Variants in PRTFDC1 observed in about 807,000 individuals in gnomAD.
PRTFDC1 encodes phosphoribosyltransferase domain-containing protein 1.
Under a neutral mutation model 34.6 loss-of-function variants are expected in PRTFDC1, and 38 were observed. That is an observed-to-expected ratio of 1.10 (90% CI 0.85 to 1.44). The LOEUF is 1.44. Ranked by LOEUF, PRTFDC1 falls within the 40% of genes most tolerant of loss-of-function variation. The pLI, the probability that PRTFDC1 is intolerant of heterozygous loss-of-function variation, is 0.00. For synonymous variants in PRTFDC1, 93 were observed against 98.1 expected (o/e 0.95, Z 0.31); for missense variants, 270 against 283.0 (o/e 0.95, Z 0.33).
At chr10:24,924,516 T>C (rs1216164914) in intron 3 of PRTFDC1, among the ~76,000 whole-genome samples, 1 of 152,048 alleles carries the variant, frequency 6.6e-6, no homozygotes, top group Non-Finnish European at 1.5e-5. Flanking sequence ...AAAGAAACTA[T>C]CATCAGAGTG....
At chr10:24,907,295 A>G (rs1213464104) in intron 3 of PRTFDC1, among the ~76,000 whole-genome samples, 1 of 152,212 alleles carries the variant, frequency 6.6e-6, no homozygotes, top group African/African-American at 2.4e-5. Context: ...TTTCTGTAGA[A>G]TAAAAGTATT....
At chr10:24,869,364 T>C (rs1334030896) in intron 4 of PRTFDC1, among the ~76,000 whole-genome samples, 2 of 152,142 alleles carry the variant, frequency 1.3e-5, no homozygotes, top group Non-Finnish European at 2.9e-5. Context: ...CAAAAACCCT[T>C]CCCCAGGGCT....
intron 3 of PRTFDC1, among the ~76,000 whole-genome samples, chr10:24,880,862 T>TCTTTCTTC (rs1848064635): frequency 6.7e-6 from 1 of 148,966 alleles, no homozygotes; most frequent in African/African-American, 2.5e-5. Context: ...TTTCTTTCTT[T>TCTTTCTTC]CTTTCTTTCT....
chr10:24,880,568 A>G (rs1476996038), intron 3 of PRTFDC1, among the ~76,000 whole-genome samples: 1 of 152,236 alleles, frequency 6.6e-6, no homozygotes, highest in Non-Finnish European at 1.5e-5. Context: ...TAACACATAC[A>G]TGTAAGCCAT....
At chr10:24,879,176 C>T (rs1848022700) in intron 3 of PRTFDC1, among the ~76,000 whole-genome samples, 10 of 152,088 alleles carry the variant, frequency 6.6e-5, no homozygotes, top group Admixed American at 5.9e-4. Flanking sequence ...CAGTATTCCT[C>T]GTTTTCCAAT....
intron 3 of PRTFDC1, among the ~76,000 whole-genome samples, chr10:24,909,059 T>C (rs939532533): frequency 1.3e-5 from 2 of 152,112 alleles, no homozygotes; most frequent in East Asian, 1.9e-4. Context: ...TTTTGGGAGA[T>C]TGATTGAGGC....
rs1014001963 is a variant in PRTFDC1, at chr10:24,952,569, C to T, written c.7G>A (p.Gly3Arg). ...TAGTCTGGCGCCTCCTCGCTGCTCC[C>T]GGCCATGTTTCTCCCGGGGAACGCG... MAGSSEEAPDYGR... is the reference protein window; with the variant it reads MARSSEEAPDYGR... Residue 3 changes from glycine to arginine, a missense_variant, in exon 1 of 9, where the codon GGG becomes AGG. Coordinates refer to ENST00000320152, the MANE Select transcript of PRTFDC1 (RefSeq NM_020200.7). This position sits in a 1 kb window ranked among gnomAD's most constrained non-coding sequence, Gnocchi z 5.1. 1 of 1,584,000 alleles carries T rather than the reference C, an allele frequency of 6.3e-7. No individual in the cohort carries two copies. The highest frequency in any genetic ancestry group is 8.6e-7 in the Non-Finnish European group (1 of 1,164,294).
At chr10:24,866,905 A>G (rs1847789741) in intron 4 of PRTFDC1, among the ~76,000 whole-genome samples, 1 of 152,032 alleles carries the variant, frequency 6.6e-6, no homozygotes. Flanking sequence ...AGAGAGAAAG[A>G]AAGAGAACAA....
chr10:24,854,533 T>C (rs1187021792), intron 7 of PRTFDC1, among the ~76,000 whole-genome samples: 1 of 152,078 alleles, frequency 6.6e-6, no homozygotes, highest in Admixed American at 6.6e-5. Flanking sequence ...GGAGCAAATG[T>C]AAGTTATAAA....
chr10:24,853,217 C>T (rs1351630354), intron 7 of PRTFDC1, among the ~76,000 whole-genome samples: 6 of 152,020 alleles, frequency 3.9e-5, no homozygotes, highest in Admixed American at 6.6e-5. Context: ...GCCGGGTGCG[C>T]ACCTGCAGTC....
chr10:24,857,925 T>C (rs533900621), intron 5 of PRTFDC1, among the ~76,000 whole-genome samples: 12 of 152,196 alleles, frequency 7.9e-5, no homozygotes, highest in East Asian at 3.9e-4. Context: ...CAAAAAAACA[T>C]AGCTTTCCCC....
chr10:24,914,677 G>A (rs921997835), intron 3 of PRTFDC1, among the ~76,000 whole-genome samples: 1 of 152,186 alleles, frequency 6.6e-6, no homozygotes, highest in African/African-American at 2.4e-5. Context: ...ATAAGGCCTT[G>A]AGACCTCTGC....
chr10:24,878,980 G>A (rs2132521850), intron 3 of PRTFDC1, among the ~76,000 whole-genome samples: 1 of 152,236 alleles, frequency 6.6e-6, no homozygotes, highest in Non-Finnish European at 1.5e-5. Flanking sequence ...TTCTCAAAGA[G>A]GTCGCTGATA....
At chr10:24,933,007 A>G (rs900433056) in intron 3 of PRTFDC1, among the ~76,000 whole-genome samples, 2 of 152,148 alleles carry the variant, frequency 1.3e-5, no homozygotes, top group African/African-American at 4.8e-5. Flanking sequence ...AACTCCATGG[A>G]AAAGGATCAT....
At chr10:24,926,151 CTG>C (rs1848870248) in intron 3 of PRTFDC1, among the ~76,000 whole-genome samples, 1 of 152,184 alleles carries the variant, frequency 6.6e-6, no homozygotes, top group East Asian at 1.9e-4. Context: ...TCACTTCTAG[CTG>C]TGTGTTCTTG....
At chr10:24,880,472 G>C (rs968616398) in intron 3 of PRTFDC1, among the ~76,000 whole-genome samples, 1 of 152,088 alleles carries the variant, frequency 6.6e-6, no homozygotes, top group Non-Finnish European at 1.5e-5. Context: ...CTTTAGTCTT[G>C]CCTTTAATCT....
At chr10:24,890,125 G>A (rs1430304666) in intron 3 of PRTFDC1, among the ~76,000 whole-genome samples, 1 of 152,226 alleles carries the variant, frequency 6.6e-6, no homozygotes, top group Non-Finnish European at 1.5e-5. Context: ...AGACTCTGCT[G>A]TACCAATTTG....
At chr10:24,866,858 C>CA (rs1327834200) in intron 4 of PRTFDC1, among the ~76,000 whole-genome samples, 13 of 126,350 alleles carry the variant, frequency 1.0e-4, no homozygotes, top group African/African-American at 3.0e-4. Context: ...TTAAAAAAAG[C>CA]AAAAAAATAC....
chr10:24,858,714 C>T (rs1377543408), intron 4 of PRTFDC1, among the ~76,000 whole-genome samples: 1 of 152,170 alleles, frequency 6.6e-6, no homozygotes, highest in African/African-American at 2.4e-5. Context: ...GCCTCCCACC[C>T]CCAGCATTCC....
Sources: allele counts gnomAD v4.1 joint callset (sites outside exome capture counted in the v4.1 genomes callset), GRCh38; gene constraint gnomAD v4.1.1; non-coding constraint Gnocchi (gnomAD v3.1); transcripts MANE v1.5; gene names NCBI Gene and HGNC (gene_info 2026-07-23, HGNC 2026-07-21).